The following MYCBP2 variants were observed in gnomAD, a reference collection of about 807,000 sequenced individuals.
The protein encoded by MYCBP2 is E3 ubiquitin-protein ligase MYCBP2.
In MYCBP2, 120 loss-of-function variants were observed where a neutral mutation model predicts 525.3. The observed-to-expected ratio is 0.23, with a 90% CI of 0.20 to 0.27. The LOEUF is 0.27. Ranked by LOEUF, MYCBP2 falls within the 10% of genes least tolerant of loss-of-function variation. The pLI, the probability that MYCBP2 is intolerant of heterozygous loss-of-function variation, is 1.00. For missense variants in MYCBP2, 4,149 were observed against 5,657.1 expected (o/e 0.73, Z 8.55); for synonymous variants, 1,894 against 1,955.8 (o/e 0.97, Z 0.83).
At chr13:77,140,802 G>A (rs2054490036) in intron 50 of MYCBP2, 44 bp downstream of exon 50, 4 of 1,431,720 alleles carry the variant, frequency 2.8e-6, no homozygotes, top group Middle Eastern at 1.8e-4. Flanking sequence ...AGTGACAAAC[G>A]TAAAAATTGA....
rs565143098 is a variant in MYCBP2, at chr13:77,323,633, G to A, written c.302+2841C>T. Among the ~76,000 whole-genome samples the A allele has an allele frequency of 5.3e-5, 8 of 152,312 alleles. No individual in the cohort carries two copies. In the South Asian group the frequency reaches 1.5e-3, roughly 28 times the overall value. On this transcript the variant is annotated intron_variant, in intron 1 of 82. Transcript: ENST00000544440. ...TTATGAGTTGTCTATTTCTCCCATT[G>A]GAGTGGATTTTCCAAGACGGCAGAG...
intron 20 of MYCBP2, among the ~76,000 whole-genome samples, chr13:77,218,839 C>CT (rs1484480666): frequency 6.6e-6 from 1 of 152,126 alleles, no homozygotes; most frequent in African/African-American, 2.4e-5. Context: ...GAGAGCTCTG[C>CT]TTTTGAGAAA....
At chr13:77,071,894 T>A (rs1278801751) in intron 68 of MYCBP2, among the ~76,000 whole-genome samples, 2 of 152,086 alleles carry the variant, frequency 1.3e-5, no homozygotes, top group African/African-American at 4.8e-5. Context: ...TTGACCACAA[T>A]GAAACTGAAC....
chr13:77,316,941 CTTTT>C (rs752591919), intron 1 of MYCBP2, among the ~76,000 whole-genome samples: 2 of 133,578 alleles, frequency 1.5e-5, no homozygotes, highest in African/African-American at 4.9e-5. Context: ...ATGGTGACTT[CTTTT>C]TTTGTTGTTT....
intron 55 of MYCBP2, among the ~76,000 whole-genome samples, chr13:77,107,311 A>G (rs548657619): frequency 6.6e-6 from 1 of 152,282 alleles, no homozygotes; most frequent in African/African-American, 2.4e-5. Flanking sequence ...TAGTTTATTG[A>G]TTCTTATAGA....
chr13:77,087,169 T>A (rs144729494), intron 62 of MYCBP2, among the ~76,000 whole-genome samples: 33 of 152,254 alleles, frequency 2.2e-4, no homozygotes, highest in African/African-American at 7.7e-4. Context: ...TGACTGGGAA[T>A]AAGATAAATG....
Position 77,270,418 on chromosome 13 carries a change from A to G in MYCBP2, c.1066T>C (p.Leu356=). The G allele has an allele frequency of 1.2e-6, 2 of 1,613,776 alleles. No individual in the cohort carries two copies. The highest frequency in any genetic ancestry group is 1.7e-6 in the Non-Finnish European group (2 of 1,179,812). The change falls in exon 6 of 83, where the codon TTA becomes CTA. Residue 356 remains leucine (L), a synonymous_variant. Coordinates refer to ENST00000544440, the MANE Select transcript of MYCBP2 (RefSeq NM_015057.5). ...KKAALMHKWP[L]KEISVDEDDQ... ...TCTTCATCAACAGATATTTCTTTTAATGGCCACTTGTGCATTAAAGCTGCT... is the reference window on the plus strand; with the variant it reads ...TCTTCATCAACAGATATTTCTTTTAGTGGCCACTTGTGCATTAAAGCTGCT...
chr13:77,324,410 T>C (rs1382692200), intron 1 of MYCBP2, among the ~76,000 whole-genome samples: 1 of 152,246 alleles, frequency 6.6e-6, no homozygotes, highest in African/African-American at 2.4e-5. Context: ...CAAATAATTC[T>C]ATCATTCATT....
chr13:77,174,379 G>C lies in MYCBP2; in HGVS notation c.5583C>G (p.Ser1861Arg), dbSNP rs1171230971. ...TGCCGTTACTGCTCAAGCTGCACGT[G>C]CTGAATGTGAATGTCACACCATCAG... ...QCPDGVTFTFSTCSLSSNGTN... is the reference protein window; with the variant it reads ...QCPDGVTFTFRTCSLSSNGTN... The change falls in exon 37 of 83, where the codon AGC becomes AGG. Residue 1861 changes from serine (S) to arginine (R), a missense_variant. Physicochemically the swap from Ser to Arg is moderately radical, Grantham distance 110 (BLOSUM62 -1). Transcript: ENST00000544440. 1.2e-6 allele frequency: 2 copies of C among 1,614,004 alleles called. No individual in the cohort carries two copies. The highest frequency in any genetic ancestry group is 2.7e-5 in the African/African-American group (2 of 74,922).
intron 55 of MYCBP2, among the ~76,000 whole-genome samples, chr13:77,118,698 G>T (rs201598847): frequency 7.9e-5 from 12 of 151,220 alleles, no homozygotes; most frequent in Admixed American, 7.2e-4. Context: ...TAATGGAAGC[G>T]CCCCACCAAA....
intron 54 of MYCBP2, among the ~76,000 whole-genome samples, chr13:77,123,709 C>A (rs942328272): frequency 1.3e-5 from 2 of 152,198 alleles, no homozygotes; most frequent in African/African-American, 4.8e-5. Flanking sequence ...TCCACTCTTA[C>A]ATATTTTTTG....
At chr13:77,142,792 G>A (rs1566687337) in intron 49 of MYCBP2, among the ~76,000 whole-genome samples, 2 of 152,244 alleles carry the variant, frequency 1.3e-5, no homozygotes, top group South Asian at 4.2e-4. Flanking sequence ...AAACCTTTGG[G>A]TGCTGACATG....
chr13:77,263,955 T>A lies in MYCBP2; in HGVS notation c.1405A>T (p.Ile469Phe). ...QNILFTDGEY[I>F]NQIAASRDDG... The stretch of plus-strand genomic sequence containing the variant: ...TCTCTTGAAGCAGCTATCTGATTAA[T>A]ATATTCTCCATCAGTGAATAAAATA... The change falls in exon 9 of 83, where the codon ATT becomes TTT. Residue 469 changes from isoleucine (I) to phenylalanine (F), a missense_variant. Physicochemically the swap from Ile to Phe is conservative, Grantham distance 21. Around this residue, in one of 21 missense-constraint regions of MYCBP2, gnomAD observed 262 missense variants for 419.3 expected, o/e 0.62. Coordinates refer to ENST00000544440, the MANE Select transcript of MYCBP2 (RefSeq NM_015057.5). 6.2e-7 allele frequency: 1 copy of A among 1,612,806 alleles called. No homozygotes were observed. The highest frequency in any genetic ancestry group is 8.5e-7 in the Non-Finnish European group (1 of 1,179,180).
intron 24 of MYCBP2, among the ~76,000 whole-genome samples, chr13:77,205,900 T>C (rs1050604931): frequency 6.6e-6 from 1 of 152,192 alleles, no homozygotes; most frequent in African/African-American, 2.4e-5. Context: ...TCCAAATTAG[T>C]TTGATTCTTA....
At chr13:77,129,390 A>G in intron 52 of MYCBP2, 1 of 379,730 alleles carries the variant, frequency 2.6e-6, no homozygotes, top group Non-Finnish European at 4.7e-6. Context: ...TGAGTAAACA[A>G]CACACCGAAG....
intron 9 of MYCBP2, 25 bp from the exon 10 acceptor site, chr13:77,263,814 C>T: frequency 6.2e-7 from 1 of 1,612,280 alleles, no homozygotes; most frequent in Middle Eastern, 1.7e-4. Context: ...ACATCCACAG[C>T]ATTACATTAC....
chr13:77,314,384 T>C lies in MYCBP2; in HGVS notation c.302+12090A>G, dbSNP rs541406518. 1.8e-4 allele frequency among the ~76,000 whole-genome samples: 27 copies of C among 152,350 alleles called. No homozygotes were observed. In the East Asian group the frequency reaches 3.9e-3, roughly 22 times the overall value. Reference sequence around the variant, plus strand: ...CCAATTGTCCTCCAAACTCACCAAATTGTAGGTGAACAGACAAATTCTGGT... The same window carrying C: ...CCAATTGTCCTCCAAACTCACCAAACTGTAGGTGAACAGACAAATTCTGGT... On this transcript the variant is annotated intron_variant, in intron 1 of 82. Transcript: ENST00000544440.
intron 32 of MYCBP2, among the ~76,000 whole-genome samples, chr13:77,183,695 C>T (rs2060465907): frequency 6.6e-6 from 1 of 151,350 alleles, no homozygotes; most frequent in Admixed American, 6.6e-5. Flanking sequence ...GAGATTACAG[C>T]TGTGCACCAC....
rs1412108197 is a variant in MYCBP2, at chr13:77,185,152, G to C, written c.4670C>G (p.Pro1557Arg). Residue 1557 changes from proline to arginine, a missense_variant, in exon 32 of 83, where the codon CCT becomes CGT. Pro to Arg is a moderately radical substitution (Grantham distance 103). Transcript: ENST00000544440. ...TACFHSFYPT[P>R]ALQWACLCDL... ...ACAAAGGCAAGCCCACTGTAAGGCA[G>C]GAGTTGGGTAGAAAGAATGAAAGCA... 10 of 1,614,138 alleles carry C rather than the reference G, an allele frequency of 6.2e-6. No individual in the cohort carries two copies. The highest frequency in any genetic ancestry group is 8.5e-6 in the Non-Finnish European group (10 of 1,180,008).
Sources: gnomAD v4.1 joint callset for allele counts (sites outside exome capture counted in the v4.1 genomes callset) on GRCh38, gnomAD v4.1.1 for gene constraint, gnomAD v4.1.1 regional missense constraint, MANE v1.5 for transcripts, NCBI Gene and HGNC (gene_info 2026-07-23, HGNC 2026-07-21) for gene names.